The following RORA variants were observed in gnomAD, a reference collection of about 807,000 sequenced individuals.
The protein encoded by RORA is nuclear receptor ROR-alpha.
Under a neutral mutation model 69.5 loss-of-function variants are expected in RORA, and 7 were observed. The ratio of observed to expected loss-of-function variants is 0.10; its 90% CI spans 0.06 to 0.19. RORA has a LOEUF of 0.19. RORA is among the 10% of genes least tolerant of loss of function. The pLI, the probability that RORA is intolerant of heterozygous loss-of-function variation, is 1.00. For synonymous variants in RORA, 261 were observed against 240.8 expected (o/e 1.08, Z -0.78); for missense variants, 457 against 663.0 (o/e 0.69, Z 3.41).
At chr15:60,835,681 C>A (rs1206222231) in intron 1 of RORA, among the ~76,000 whole-genome samples, 5 of 152,126 alleles carry the variant, frequency 3.3e-5, no homozygotes, top group Non-Finnish European at 7.4e-5. Context: ...AGCCTTGATC[C>A]AGGTCTTTGA....
intron 1 of RORA, among the ~76,000 whole-genome samples, chr15:60,915,816 A>G (rs1891857227): frequency 6.6e-6 from 1 of 152,190 alleles, no homozygotes; most frequent in Non-Finnish European, 1.5e-5. Flanking sequence ...CAAGAACAAC[A>G]TATTTACACT....
At chr15:60,603,430 T>G (rs2068866380) in intron 2 of RORA, among the ~76,000 whole-genome samples, 1 of 152,208 alleles carries the variant, frequency 6.6e-6, no homozygotes, top group African/African-American at 2.4e-5. Context: ...GCACATGGTG[T>G]TGTTGAATAT....
chr15:61,095,626 A>T (rs1400254025), intron 1 of RORA, among the ~76,000 whole-genome samples: 1 of 152,222 alleles, frequency 6.6e-6, no homozygotes, highest in Non-Finnish European at 1.5e-5. Flanking sequence ...AAAGTATATA[A>T]ACTAGAGGTT....
intron 1 of RORA, among the ~76,000 whole-genome samples, chr15:61,096,285 G>A (rs576218461): frequency 6.6e-5 from 10 of 152,296 alleles, no homozygotes; most frequent in Admixed American, 2.6e-4. Context: ...TCGGGTACAT[G>A]CTTTATCCAG....
In RORA at chr15:60,714,405, C is replaced by T. The variant is rs141799826; in HGVS notation, c.167-35719G>A. On this transcript the variant is annotated intron_variant, in intron 1 of 10. Coordinates refer to ENST00000335670, the MANE Select transcript of RORA (RefSeq NM_134261.3). ...TTTTGAGATGGAGTCTTGCTCTGTCCCCCAGGCTAGAGTCAATGGTGCAAT... is the reference window on the plus strand; with the variant it reads ...TTTTGAGATGGAGTCTTGCTCTGTCTCCCAGGCTAGAGTCAATGGTGCAAT... 6.6e-3 allele frequency among the ~76,000 whole-genome samples: 988 copies of T among 150,558 alleles called. 28 individuals carry two copies. In the East Asian group the frequency reaches 0.086, roughly 13 times the overall value.
rs1367485467 is a variant in RORA at position 60,496,757 on chromosome 15, A to G, written c.*698T>C. 3 of 152,242 alleles carry G rather than the reference A, an allele frequency of 2.0e-5. No individual in the cohort carries two copies. Among genetic ancestry groups the G allele is most frequent in the African/African-American group, 7.2e-5 (3 of 41,466 alleles). 9.4% of individuals were successfully genotyped at this position (152,242 alleles called of 1,614,324 possible). ...TGGTGCACATGCGACACGACAGTGAACACGCTAGCATTTAATTTAAAGAAA... is the reference window on the plus strand; with the variant it reads ...TGGTGCACATGCGACACGACAGTGAGCACGCTAGCATTTAATTTAAAGAAA... On this transcript the variant is annotated 3_prime_UTR_variant, in exon 11 of 11. Transcript: ENST00000335670. This position sits in a 1 kb window ranked among gnomAD's most constrained non-coding sequence, Gnocchi z 4.5.
At chr15:60,600,515 A>T (rs1322202790) in intron 2 of RORA, among the ~76,000 whole-genome samples, 1 of 152,202 alleles carries the variant, frequency 6.6e-6, no homozygotes, top group Non-Finnish European at 1.5e-5. Context: ...CTGCTCTCAG[A>T]AGTCCATCTA....
intron 1 of RORA, among the ~76,000 whole-genome samples, chr15:60,973,151 T>C (rs1893771603): frequency 6.6e-6 from 1 of 151,884 alleles, no homozygotes; most frequent in African/African-American, 2.4e-5. Context: ...TGTGGAGACG[T>C]TGAAAAAAGA....
intron 1 of RORA, among the ~76,000 whole-genome samples, chr15:60,714,198 T>C (rs1321967292): frequency 4.8e-5 from 7 of 145,404 alleles, no homozygotes; most frequent in African/African-American, 1.8e-4. Flanking sequence ...AGATTACAGG[T>C]GCATGCCACC....
intron 1 of RORA, among the ~76,000 whole-genome samples, chr15:60,978,073 A>G (rs1893927786): frequency 6.6e-6 from 1 of 152,174 alleles, no homozygotes; most frequent in Non-Finnish European, 1.5e-5. Context: ...ATACATTCCC[A>G]CAAACAATGA....
At chr15:60,933,478 C>T (rs947126422) in intron 1 of RORA, among the ~76,000 whole-genome samples, 7 of 152,174 alleles carry the variant, frequency 4.6e-5, no homozygotes, top group African/African-American at 1.4e-4. Flanking sequence ...AAGCAGCTTC[C>T]GCAGCTCTTC....
At chr15:61,105,194 C>T (rs886267018) in intron 1 of RORA, among the ~76,000 whole-genome samples, 3 of 152,120 alleles carry the variant, frequency 2.0e-5, no homozygotes, top group Non-Finnish European at 4.4e-5. Context: ...TATACTCTCA[C>T]AGACCTTTTA....
intron 1 of RORA, among the ~76,000 whole-genome samples, chr15:60,865,065 T>C (rs537076909): frequency 4.6e-5 from 7 of 152,328 alleles, no homozygotes; most frequent in African/African-American, 1.4e-4. Context: ...TTAATGAAGA[T>C]ATGTTTAGAT....
At chr15:60,847,885 A>G (rs1021357956) in intron 1 of RORA, 2 of 152,230 alleles carry the variant, frequency 1.3e-5, no homozygotes, top group African/African-American at 4.8e-5. Context: ...GCACTGCTCT[A>G]AACAACTGCC....
intron 1 of RORA, among the ~76,000 whole-genome samples, chr15:60,942,357 C>G (rs1009531131): frequency 9.9e-5 from 15 of 152,180 alleles, no homozygotes; most frequent in Non-Finnish European, 1.8e-4. Flanking sequence ...TGCTCTTCCC[C>G]CTAGTGCTTA....
At chr15:60,535,093 T>C (rs916457444) in intron 2 of RORA, among the ~76,000 whole-genome samples, 5 of 152,124 alleles carry the variant, frequency 3.3e-5, no homozygotes, top group Admixed American at 3.3e-4. Context: ...CTCAAAACAA[T>C]CTTCTTTTAA....
chr15:61,106,422 A>C (rs990413768), intron 1 of RORA, among the ~76,000 whole-genome samples: 1 of 152,228 alleles, frequency 6.6e-6, no homozygotes, highest in Non-Finnish European at 1.5e-5. Flanking sequence ...TCCGTTAAGT[A>C]TTTACCAAAC....
In RORA at chr15:60,497,181, C is replaced by T. The variant is rs12442000; in HGVS notation, c.*274G>A. On this transcript the variant is annotated 3_prime_UTR_variant, in exon 11 of 11. Transcript: ENST00000335670. ...AATCCTCCGACTTTAGTACCCTCCT[C>T]CTGTTGTAAACAGAGGTCAATGATC... 292,346 of 296,632 alleles carry T rather than the reference C, an allele frequency of 0.99. 144,193 individuals carry two copies. Among genetic ancestry groups the T allele is most frequent in the East Asian group, 1 (15,614 of 15,614 alleles). The allele number at this position is 296,632 out of a possible 1,614,324, so 18.4% of individuals were successfully genotyped here. A position where few individuals can be genotyped will look rare whatever the true frequency, so the allele number is the denominator to read the frequency against.
At chr15:60,900,506 G>T (rs568420601) in intron 1 of RORA, among the ~76,000 whole-genome samples, 7 of 152,298 alleles carry the variant, frequency 4.6e-5, no homozygotes, top group Admixed American at 1.3e-4. Flanking sequence ...TCCAATACGG[G>T]ACTCTTCACT....
Sources: gnomAD v4.1 joint callset for allele counts (sites outside exome capture counted in the v4.1 genomes callset) on GRCh38, gnomAD v4.1.1 for gene constraint, Gnocchi (gnomAD v3.1) non-coding constraint, MANE v1.5 for transcripts, NCBI Gene and HGNC (gene_info 2026-07-23, HGNC 2026-07-21) for gene names.